CCDC120: variants seen among roughly 807,000 people sequenced by gnomAD.
CCDC120 encodes coiled-coil domain-containing protein 120.
In CCDC120, 16 loss-of-function variants were observed where a neutral mutation model predicts 37.6. The observed-to-expected ratio is 0.43, with a 90% CI of 0.29 to 0.65. The LOEUF is 0.65. Among genes scored for constraint, CCDC120 ranks in the 30% least tolerant of loss-of-function variants. The pLI is 0.18. For synonymous variants in CCDC120, 309 were observed against 275.4 expected, an observed-to-expected ratio of 1.12 and a Z score of -1.21; for missense variants, 650 against 657.4, an observed-to-expected ratio of 0.99 and a Z score of 0.12.
At chrX:49,063,225 G>C (rs1557080023) in intron 4 of CCDC120, among the ~76,000 whole-genome samples, 1 of 107,447 alleles carries the variant, frequency 9.3e-6, no homozygotes, top group Admixed American at 9.9e-5. Flanking sequence ...AATTAGCTGG[G>C]TGTGGTGATC....
rs1237742053 is a variant in CCDC120, at chrX:49,069,795, C to T, written c.*1137C>T. 1 of 112,614 alleles carries T rather than the reference C, an allele frequency of 8.9e-6. No homozygotes were observed. Among genetic ancestry groups the T allele is most frequent in the Non-Finnish European group, 1.9e-5 (1 of 53,311 alleles). 9.3% of individuals were successfully genotyped at this position (112,614 alleles called of 1,213,427 possible). A position where few individuals can be genotyped will look rare whatever the true frequency, so the allele number is the denominator to read the frequency against. On this transcript the variant is annotated 3_prime_UTR_variant, in exon 11 of 11. Transcript: ENST00000603986. ...AGCTTTTCTTTTTATACCAGTGGAT[C>T]TGGACCCAAGACATTACCCACACTG...
chrX:49,060,081 G>T (rs1220958158), intron 1 of CCDC120, among the ~76,000 whole-genome samples: 7 of 112,009 alleles, frequency 6.2e-5, no homozygotes, highest in African/African-American at 9.7e-5. Flanking sequence ...AGGAGTTGGG[G>T]TTCCTGTGTG....
At chrX:49,058,194 A>G (rs2064844646), upstream of CCDC120, among the ~76,000 whole-genome samples, 1 of 111,845 alleles carries the variant, frequency 8.9e-6, no homozygotes, top group African/African-American at 3.3e-5. Flanking sequence ...GGTCTGTGCC[A>G]TCCTGCTACA....
chrX:49,067,992 T>C lies in CCDC120; in HGVS notation c.1878T>C (p.His626=). 1 of 1,029,465 alleles carries C rather than the reference T, an allele frequency of 9.7e-7. No individual in the cohort carries two copies. The highest frequency in any genetic ancestry group is 1.3e-6 in the Non-Finnish European group (1 of 787,175). 84.8% of individuals were successfully genotyped at this position (1,029,465 alleles called of 1,213,427 possible). A position where few individuals can be genotyped will look rare whatever the true frequency, so the allele number is the denominator to read the frequency against. ...GCCCGCCACACCCACCCTTCCTCCA[T>C]GCCCGCTGCTATGAGGTGGGCCAGG... ...SVGPPHPPFL[H]ARCYEVGQAL... The change falls in exon 10 of 11, where the codon CAT becomes CAC. Residue 626 remains histidine, a synonymous_variant. Coordinates refer to ENST00000603986, the MANE Select transcript of CCDC120 (RefSeq NM_001163321.4).
chrX:49,059,855 G>A (rs1193386178), intron 1 of CCDC120, among the ~76,000 whole-genome samples: 29 of 110,080 alleles, frequency 2.6e-4, no homozygotes, highest in Admixed American at 2.2e-3. Flanking sequence ...TGGTGTGGGG[G>A]TGTGCTGGGG....
Position 49,067,718 on chromosome X carries a change from T to C in CCDC120, c.1604T>C (p.Leu535Pro). The C allele has an allele frequency of 8.4e-7, 1 of 1,191,664 alleles. No individual in the cohort carries two copies. Among genetic ancestry groups the C allele is most frequent in the Non-Finnish European group, 1.1e-6 (1 of 883,060 alleles). Residue 535 changes from leucine (L) to proline (P), a missense_variant, in exon 10 of 11, where the codon CTC (leucine) becomes CCC (proline). Leu to Pro is a moderately conservative substitution (Grantham distance 98, BLOSUM62 -3). This residue lies in a region of CCDC120 where 576 missense variants were observed against 565.3 expected (regional missense o/e 1.02). Transcript: ENST00000603986. ...TATGCAGCTGACAGCAACAGCCCCC[T>C]CCTCCGCACCAAGGACCCCCACACC... ...PVYAADSNSP[L>P]LRTKDPHTRA...
In CCDC120 at chrX:49,062,510, G is replaced by A. The variant is rs147084360; in HGVS notation, c.197G>A (p.Arg66His). 1.7e-4 allele frequency: 208 copies of A among 1,210,572 alleles called. 1 individual carries two copies. Among genetic ancestry groups the A allele is most frequent in the South Asian group, 1.1e-4 (6 of 56,905 alleles). ...GCTGCCCCCCAGGTGAAGTCAGAGC[G>A]TCTGCGGGGGCTGCTTGACCGGCAG... ...GEAAPQVKSE[R>H]LRGLLDRQRT... The change falls in exon 4 of 11, where the codon CGT becomes CAT. Residue 66 changes from arginine (R) to histidine (H), a missense_variant. Arg to His is a conservative substitution (Grantham distance 29, BLOSUM62 0). Coordinates refer to ENST00000603986, the MANE Select transcript of CCDC120 (RefSeq NM_001163321.4).
chrX:49,062,187 G>A (rs1557079633), intron 2 of CCDC120, 48 bp from the exon 3 acceptor site: 1 of 1,180,430 alleles, frequency 8.5e-7, no homozygotes, highest in East Asian at 3.1e-5. Context: ...TGGGGGTTGG[G>A]GTATCATGGG....
At chrX:49,060,460 C>T (rs1476503046) in intron 1 of CCDC120, among the ~76,000 whole-genome samples, 3 of 66,243 alleles carry the variant, frequency 4.5e-5, no homozygotes, top group Non-Finnish European at 5.7e-5. Context: ...AAAAAAGAAT[C>T]GAAGCAGCCC....
intron 10 of CCDC120, 26 bp downstream of exon 10, chrX:49,068,116 G>T (rs1557082183): frequency 2.6e-6 from 3 of 1,153,809 alleles, no homozygotes. Flanking sequence ...TTACTGATGG[G>T]TAGGGGTCTC....
chrX:49,060,898 C>T (rs1487778692), intron 1 of CCDC120, among the ~76,000 whole-genome samples: 1 of 111,746 alleles, frequency 8.9e-6, no homozygotes, highest in Non-Finnish European at 1.9e-5. Flanking sequence ...CTGGGTCTTC[C>T]TCACACCAGG....
In CCDC120 at chrX:49,061,120, G is replaced by A. The variant is rs943719149; in HGVS notation, c.-83-839G>A. 4.9e-4 allele frequency among the ~76,000 whole-genome samples: 55 copies of A among 111,901 alleles called. 2 individuals carry two copies. The Admixed American group carries it at 5.0e-3, about 10-fold the overall frequency. On this transcript the variant is annotated intron_variant, in intron 1 of 10. Coordinates refer to ENST00000603986, the MANE Select transcript of CCDC120 (RefSeq NM_001163321.4). Reference sequence around the variant, plus strand: ...CCAGCCAAGGCAGGTTCCATGGTCAGCTGAGCCATCGGGGGCAGAGAAGGA... The same window carrying A: ...CCAGCCAAGGCAGGTTCCATGGTCAACTGAGCCATCGGGGGCAGAGAAGGA...
chrX:49,056,174 G>A (rs1225289963), upstream of CCDC120, among the ~76,000 whole-genome samples: 1 of 111,470 alleles, frequency 9.0e-6, no homozygotes, highest in Admixed American at 9.6e-5. Flanking sequence ...CAATTTCTCT[G>A]AATGTATTTG....
In CCDC120 at chrX:49,068,777, A is replaced by T. The variant is rs2064989730; in HGVS notation, c.*119A>T. The T allele has an allele frequency of 2.8e-6, 2 of 719,766 alleles. No individual in the cohort carries two copies. Among genetic ancestry groups the T allele is most frequent in the Middle Eastern group, 9.3e-4 (2 of 2,155 alleles). The allele number at this position is 719,766 out of a possible 1,213,427, so 59.3% of individuals were successfully genotyped here. A position where few individuals can be genotyped will look rare whatever the true frequency, so the allele number is the denominator to read the frequency against. On this transcript the variant is annotated 3_prime_UTR_variant, in exon 11 of 11. Transcript: ENST00000603986. ...AGTCCTGAGCAGAGTGCGCCAACCT[A>T]ATCTTCCAAGGCCCCTGGCTCCCCG... is the stretch of plus-strand genomic sequence containing the variant.
chrX:49,055,936 A>G (rs782605045), upstream of CCDC120, among the ~76,000 whole-genome samples: 1 of 112,128 alleles, frequency 8.9e-6, no homozygotes, highest in Admixed American at 9.5e-5. Flanking sequence ...TGAGTAGGGA[A>G]AATTGAGATA....
intron 10 of CCDC120, 36 bp downstream of exon 10, chrX:49,068,126 C>CA: frequency 1.7e-6 from 2 of 1,146,956 alleles, no homozygotes; most frequent in Non-Finnish European, 2.3e-6. Context: ...GTAGGGGTCT[C>CA]GTAAGGCAGA....
Position 49,063,087 on chromosome X carries a change from G to A in CCDC120, c.288+486G>A, listed in dbSNP as rs1310469307. 2.7e-5 allele frequency among the ~76,000 whole-genome samples: 3 copies of A among 110,022 alleles called. No homozygotes were observed. The South Asian group carries it at 1.2e-3, about 43-fold the overall frequency. On this transcript the variant is annotated intron_variant, in intron 4 of 10. Transcript: ENST00000603986. ...CGGGCACCTATAGTTCCAGCTACTC[G>A]GGAGGCTGAGGCAGGAGAATGGCAT...
upstream of CCDC120, among the ~76,000 whole-genome samples, chrX:49,055,457 G>C (rs782650134): frequency 9.0e-5 from 10 of 111,602 alleles, no homozygotes; most frequent in Admixed American, 1.9e-4. Flanking sequence ...AGGAGGGATG[G>C]GGTCAAGGAT....
In CCDC120 at chrX:49,069,697, A is replaced by T. The variant is rs1557082694; in HGVS notation, c.*1039A>T. ...ACCACTTTTTAAGCAAACCCACACAAGTTGTGTTTTCTATGATACCTGTCT... is the reference window on the plus strand; with the variant it reads ...ACCACTTTTTAAGCAAACCCACACATGTTGTGTTTTCTATGATACCTGTCT... On this transcript the variant is annotated 3_prime_UTR_variant, in exon 11 of 11. Coordinates refer to ENST00000603986, the MANE Select transcript of CCDC120 (RefSeq NM_001163321.4). The T allele has an allele frequency of 8.9e-6, 1 of 111,971 alleles. No individual in the cohort carries two copies. The highest frequency in any genetic ancestry group is 9.5e-5 in the Admixed American group (1 of 10,552). The allele number at this position is 111,971 out of a possible 1,213,427, so 9.2% of individuals were successfully genotyped here.
Sources: gnomAD v4.1 joint callset for allele counts (sites outside exome capture counted in the v4.1 genomes callset) on GRCh38, gnomAD v4.1.1 for gene constraint, gnomAD v4.1.1 regional missense constraint, MANE v1.5 for transcripts, NCBI Gene and HGNC (gene_info 2026-07-23, HGNC 2026-07-21) for gene names.